Variants in CFAP43 observed in about 807,000 individuals in gnomAD.
CFAP43 encodes cilia- and flagella-associated protein 43.
A neutral mutation model predicts 218.9 loss-of-function variants in CFAP43; 155 were observed. The ratio of observed to expected loss-of-function variants is 0.71; its 90% CI spans 0.62 to 0.81. The LOEUF is 0.81. Among genes scored for constraint, CFAP43 ranks in the 30% least tolerant of loss-of-function variants. CFAP43 has a pLI of 0.00. For missense variants in CFAP43, 1,778 were observed against 1,954.3 expected (o/e 0.91, Z 1.70); for synonymous variants, 645 against 681.3 (o/e 0.95, Z 0.83).
intron 3 of CFAP43, among the ~76,000 whole-genome samples, chr10:104,218,283 G>A (rs964731277): frequency 2.0e-5 from 3 of 150,634 alleles, no homozygotes; most frequent in Non-Finnish European, 4.4e-5. Flanking sequence ...GGGAGGCAGA[G>A]GTTGCAGTGA....
chr10:104,175,662 C>A (rs1256497036), intron 19 of CFAP43, among the ~76,000 whole-genome samples: 1 of 152,146 alleles, frequency 6.6e-6, no homozygotes, highest in African/African-American at 2.4e-5. Context: ...GGAGCTGTGG[C>A]TTACTGCTGC....
intron 12 of CFAP43, among the ~76,000 whole-genome samples, chr10:104,191,376 T>C (rs921580284): frequency 2.0e-5 from 3 of 152,198 alleles, no homozygotes; most frequent in East Asian, 3.8e-4. Flanking sequence ...GTTTGGGTTA[T>C]TATTTTGAGC....
At position 104,130,120 on chromosome 10, in the gene CFAP43, T is replaced by G; in HGVS notation, c.*19A>C. 1 of 1,567,360 alleles carries G rather than the reference T, an allele frequency of 6.4e-7. No individual in the cohort carries two copies. The highest frequency in any genetic ancestry group is 2.3e-5 in the East Asian group (1 of 43,356). On this transcript the variant is annotated 3_prime_UTR_variant, in exon 38 of 38. Transcript: ENST00000357060. ...TTTTTAAATGATTGATTTGGCCTTG[T>G]GTTTTCCTGCCAGCGTTTTTACATT...
rs189157212 is a variant in CFAP43, at chr10:104,215,320, C to T, written c.417-894G>A. Among the ~76,000 whole-genome samples, 385 of 152,266 alleles carry T rather than the reference C, an allele frequency of 2.5e-3. 2 individuals carry two copies. Among genetic ancestry groups the T allele is most frequent in the Middle Eastern group, 0.01 (3 of 294 alleles). On this transcript the variant is annotated intron_variant, in intron 3 of 37. Coordinates refer to ENST00000357060, the MANE Select transcript of CFAP43 (RefSeq NM_025145.7). The stretch of plus-strand genomic sequence containing the variant: ...TATGCCCTCAAATGAGGGGCCAGAA[C>T]TCCATTCAGAGTTGTGATTAGGAAA...
intron 26 of CFAP43, among the ~76,000 whole-genome samples, chr10:104,161,371 T>C (rs1418489849): frequency 6.6e-6 from 1 of 152,204 alleles, no homozygotes; most frequent in Admixed American, 6.5e-5. Context: ...GGGTGGGATA[T>C]ACCTGGACTC....
chr10:104,149,086 G>C (rs2088120977), intron 28 of CFAP43, among the ~76,000 whole-genome samples: 1 of 152,084 alleles, frequency 6.6e-6, no homozygotes, highest in Non-Finnish European at 1.5e-5. Context: ...AGTCTCTGTA[G>C]CATTGCAGAG....
In CFAP43 at chr10:104,193,947, T is replaced by C. The variant is rs760798833; in HGVS notation, c.1361A>G (p.Tyr454Cys). ...AAVGTEDGSVYFISVYDKESP... is the reference protein window; with the variant it reads ...AAVGTEDGSVCFISVYDKESP... ...TTCCTTATCATATACGCTGATGAAG[T>C]AGACCGAGCCATCCTCCGTGCCCAC... The change falls in exon 11 of 38, where the codon TAC (tyrosine) becomes TGC (cysteine). Residue 454 changes from tyrosine (Y) to cysteine (C), a missense_variant. By Grantham distance (194) the Tyr-to-Cys change is radical (BLOSUM62 -2). Around this residue, in one of 3 missense-constraint regions of CFAP43, gnomAD observed 1,553 missense variants for 1,685.2 expected, o/e 0.92. Coordinates refer to ENST00000357060, the MANE Select transcript of CFAP43 (RefSeq NM_025145.7). The C allele has an allele frequency of 1.2e-5, 20 of 1,613,874 alleles. No individual in the cohort carries two copies. The highest frequency in any genetic ancestry group is 1.5e-5 in the Non-Finnish European group (18 of 1,180,000).
intron 31 of CFAP43, among the ~76,000 whole-genome samples, chr10:104,144,838 CT>C (rs1419946512): frequency 1.3e-5 from 2 of 152,168 alleles, no homozygotes; most frequent in African/African-American, 4.8e-5. Context: ...ATCAGTGATA[CT>C]TTCTTAGAAC....
chr10:104,188,902 CCTGGAGCCCA>C (rs1289744457), intron 12 of CFAP43, among the ~76,000 whole-genome samples: 1 of 152,180 alleles, frequency 6.6e-6, no homozygotes, highest in African/African-American at 2.4e-5. Context: ...GTGTGCCAGG[CCTGGAGCCCA>C]CCTTGGATTT....
chr10:104,168,616 T>C (rs1188557754), intron 21 of CFAP43, 128 bp downstream of exon 21: 8 of 698,382 alleles, frequency 1.1e-5, no homozygotes, highest in Non-Finnish European at 1.7e-5. Flanking sequence ...AAATTCAGTA[T>C]AGGAAGGGGC....
chr10:104,161,379 C>A (rs1343378904), intron 26 of CFAP43, among the ~76,000 whole-genome samples: 1 of 152,108 alleles, frequency 6.6e-6, no homozygotes, highest in African/African-American at 2.4e-5. Flanking sequence ...TATACCTGGA[C>A]TCTTAGGTGA....
chr10:104,230,969 C>G, intron 1 of CFAP43, 126 bp from the exon 2 acceptor site: 1 of 1,075,924 alleles, frequency 9.3e-7, no homozygotes, highest in Non-Finnish European at 1.3e-6. Context: ...CCCCCAATTT[C>G]TAAGATAAAA....
chr10:104,179,930 T>C lies in CFAP43; in HGVS notation c.2292A>G (p.Lys764=), dbSNP rs1446541683. 1.1e-5 allele frequency: 18 copies of C among 1,612,248 alleles called. No individual in the cohort carries two copies. The highest frequency in any genetic ancestry group is 1.5e-5 in the Non-Finnish European group (18 of 1,178,946). ...VDLGSDSEHT[K]QKASTDLSQD... The stretch of plus-strand genomic sequence containing the variant: ...GTGATAAGTCAGTGCTTGCCTTCTG[T>C]TTCTGATACATGGTAGAAAAAGACA... The change falls in exon 18 of 38, where the codon AAA becomes AAG. Residue 764 remains lysine, a splice_region_variant and synonymous_variant. Transcript: ENST00000357060.
In CFAP43 at chr10:104,232,293, C is replaced by T. The variant is rs966074344; in HGVS notation, c.-47G>A. 5 of 1,519,092 alleles carry T rather than the reference C, an allele frequency of 3.3e-6. No individual in the cohort carries two copies. The highest frequency in any genetic ancestry group is 2.5e-5 in the South Asian group (2 of 79,942). 94.1% of individuals were successfully genotyped at this position (1,519,092 alleles called of 1,614,324 possible). ...GGAGCAGGCAGCGCACGCAGCACCCCAGGGCGGGTCGGTTACCTTTCCGCC... is the reference window on the plus strand; with the variant it reads ...GGAGCAGGCAGCGCACGCAGCACCCTAGGGCGGGTCGGTTACCTTTCCGCC... On this transcript the variant is annotated 5_prime_UTR_variant, in exon 1 of 38. Transcript: ENST00000357060.
At chr10:104,148,417 G>T (rs1448335960) in intron 28 of CFAP43, among the ~76,000 whole-genome samples, 4 of 152,140 alleles carry the variant, frequency 2.6e-5, no homozygotes, top group African/African-American at 9.7e-5. Context: ...TTACCCAGGG[G>T]TGTATAATGC....
At chr10:104,181,041 G>C (rs931246563) in intron 17 of CFAP43, among the ~76,000 whole-genome samples, 24 of 152,190 alleles carry the variant, frequency 1.6e-4, no homozygotes, top group Middle Eastern at 3.4e-3. Context: ...AGAACCCAAG[G>C]TTCATCTATC....
intron 8 of CFAP43, among the ~76,000 whole-genome samples, chr10:104,202,773 A>AAAC (rs2090569115): frequency 6.7e-6 from 1 of 149,712 alleles, no homozygotes; most frequent in African/African-American, 2.4e-5. Flanking sequence ...TTCTCCATAG[A>AAAC]TATTTTAAGT....
At chr10:104,201,242 C>T (rs1232374646) in intron 8 of CFAP43, among the ~76,000 whole-genome samples, 5 of 151,982 alleles carry the variant, frequency 3.3e-5, no homozygotes, top group Non-Finnish European at 7.4e-5. Flanking sequence ...ATGATTTTTA[C>T]CTTAAAGCCT....
Position 104,186,070 on chromosome 10 carries a change from C to A in CFAP43, c.1914G>T (p.Gln638His). 2 of 1,588,970 alleles carry A rather than the reference C, an allele frequency of 1.3e-6. No homozygotes were observed. Among genetic ancestry groups the A allele is most frequent in the Non-Finnish European group, 1.7e-6 (2 of 1,172,496 alleles). Residue 638 changes from glutamine to histidine, a missense_variant, in exon 15 of 38, where the codon CAG (glutamine) becomes CAT (histidine). Gln to His is a conservative substitution (Grantham distance 24, BLOSUM62 0). This residue lies in a region of CFAP43 where 1,553 missense variants were observed against 1,685.2 expected (regional missense o/e 0.92). Transcript: ENST00000357060. ...ACAGATAGAGCAGTCCAGGTCCATA[C>A]TGTCTGCTTTGTACTTTTTTGTATG... is the stretch of plus-strand genomic sequence containing the variant. ...LKPYKKVQSR[Q>H]YGPGLLYLSS... is the part of the protein sequence containing the mutation.
Sources: gnomAD v4.1 joint callset for allele counts (sites outside exome capture counted in the v4.1 genomes callset) on GRCh38, gnomAD v4.1.1 for gene constraint, gnomAD v4.1.1 regional missense constraint, MANE v1.5 for transcripts, NCBI Gene and HGNC (gene_info 2026-07-23, HGNC 2026-07-21) for gene names.